Variants in TMC5 observed in about 807,000 individuals in gnomAD.
TMC5 encodes transmembrane channel like 5.
TMC5 carries 86 observed loss-of-function variants against 110.5 expected under a neutral mutation model. The ratio of observed to expected loss-of-function variants is 0.78; its 90% CI spans 0.65 to 0.93. The LOEUF (loss-of-function observed/expected upper bound fraction) is 0.93, where lower values mean the gene tolerates loss of function less well. TMC5 is among the 40% of genes least tolerant of loss of function. TMC5 has a pLI of 0.00. For synonymous variants in TMC5, 455 were observed against 439.5 expected, an observed-to-expected ratio of 1.04 and a Z score of -0.44; for missense variants, 1,144 against 1,222.8, an observed-to-expected ratio of 0.94 and a Z score of 0.96.
chr16:19,495,473 A>G (rs150320947), intron 20 of TMC5, among the ~76,000 whole-genome samples: 4 of 152,350 alleles, frequency 2.6e-5, no homozygotes, highest in African/African-American at 9.6e-5. Flanking sequence ...TAAATACTAT[A>G]TCTTGAACGA....
intron 4 of TMC5, among the ~76,000 whole-genome samples, chr16:19,445,261 GT>G (rs111537341): frequency 0.13 from 18,658 of 145,244 alleles, 2,824 homozygotes; most frequent in African/African-American, 0.37. Context: ...ATTCTAAACA[GT>G]TTTTTTTTTT....
intron 8 of TMC5, among the ~76,000 whole-genome samples, chr16:19,464,967 C>A (rs1458915903): frequency 1.9e-5 from 2 of 104,772 alleles, no homozygotes; most frequent in Non-Finnish European, 5.2e-5. Context: ...GTACTATAAG[C>A]CCTTCTTTCT....
chr16:19,433,504 C>A (rs1311079431), intron 2 of TMC5, among the ~76,000 whole-genome samples: 2 of 152,166 alleles, frequency 1.3e-5, no homozygotes, highest in African/African-American at 4.8e-5. Context: ...GTTAGAGCTT[C>A]TGAGTGCTTT....
At chr16:19,433,212 C>T (rs928744003) in intron 2 of TMC5, among the ~76,000 whole-genome samples, 1 of 152,178 alleles carries the variant, frequency 6.6e-6, no homozygotes, top group Non-Finnish European at 1.5e-5. Flanking sequence ...TGAAAAGCTA[C>T]TGTGGGTAGG....
chr16:19,458,746 A>G (rs889131408), intron 5 of TMC5, among the ~76,000 whole-genome samples: 1 of 152,086 alleles, frequency 6.6e-6, no homozygotes, highest in Non-Finnish European at 1.5e-5. Context: ...CTTCCTACCC[A>G]GGAAGAGGCA....
At position 19,498,637 on chromosome 16, in the gene TMC5, A is replaced by G. The variant is rs563930449; in HGVS notation, c.*671A>G. 1 of 152,148 alleles carries G rather than the reference A, an allele frequency of 6.6e-6. No homozygotes were observed. Among genetic ancestry groups the G allele is most frequent in the Non-Finnish European group, 1.5e-5 (1 of 68,046 alleles). The allele number at this position is 152,148 out of a possible 1,614,324, so 9.4% of individuals were successfully genotyped here. ...CTTTGCAGTGGCAGTACCGTAGCCA[A>G]TGAGATTTATCCGAGACGCGATTAT... is the stretch of plus-strand genomic sequence containing the variant. On this transcript the variant is annotated 3_prime_UTR_variant, in exon 22 of 22. Coordinates refer to ENST00000542583, the MANE Select transcript of TMC5 (RefSeq NM_001261841.2).
intron 17 of TMC5, among the ~76,000 whole-genome samples, chr16:19,488,164 G>C (rs1379373877): frequency 6.6e-6 from 1 of 152,110 alleles, no homozygotes; most frequent in Admixed American, 6.6e-5. Context: ...TTGTAAGCTA[G>C]CCCAGGGAAG....
Position 19,494,383 on chromosome 16 carries a change from C to A in TMC5, c.2931+17C>A, listed in dbSNP as rs1443279374. 3 of 1,596,628 alleles carry A rather than the reference C, an allele frequency of 1.9e-6. No homozygotes were observed. The highest frequency in any genetic ancestry group is 2.6e-6 in the Non-Finnish European group (3 of 1,167,054). ...GAGGTGGAGGTGAGTCTGGAGGCTG[C>A]CTTGGGGACCCCTGGGACACGAGCT... On this transcript the variant is annotated intron_variant, in intron 20 of 21. Transcript: ENST00000542583.
chr16:19,437,309 T>A (rs931475481), intron 2 of TMC5, among the ~76,000 whole-genome samples: 4 of 152,210 alleles, frequency 2.6e-5, no homozygotes, highest in African/African-American at 9.6e-5. Flanking sequence ...TCTGACAGAA[T>A]CACTGTCTCC....
At chr16:19,455,210 G>A (rs1967837530) in intron 5 of TMC5, among the ~76,000 whole-genome samples, 1 of 151,780 alleles carries the variant, frequency 6.6e-6, no homozygotes, top group Non-Finnish European at 1.5e-5. Flanking sequence ...CACTTTGGGA[G>A]GCTGAGGCAG....
intron 1 of TMC5, among the ~76,000 whole-genome samples, chr16:19,427,314 C>T (rs1188430643): frequency 6.6e-6 from 1 of 152,118 alleles, no homozygotes; most frequent in African/African-American, 2.4e-5. Flanking sequence ...TAGTTGGGCA[C>T]AGTAGCTCAC....
intron 1 of TMC5, among the ~76,000 whole-genome samples, chr16:19,423,837 C>T (rs1201195753): frequency 6.6e-6 from 1 of 152,118 alleles, no homozygotes; most frequent in African/African-American, 2.4e-5. Flanking sequence ...CTGCAATCTC[C>T]ACCTCCCAGG....
rs773265756 is a variant in TMC5, at chr16:19,474,256, A to T, written c.2070A>T (p.Glu690Asp). Residue 690 changes from glutamate to aspartate, a missense_variant, in exon 12 of 22, where the codon GAA becomes GAT. By Grantham distance (45) the Glu-to-Asp change is conservative. Coordinates refer to ENST00000542583, the MANE Select transcript of TMC5 (RefSeq NM_001261841.2). ...AGAGGTACGAGATGCCACGGCACGA[A>T]GTCTACGTTCTCCTGATCCGGTAGG... ...LVERYEMPRH[E>D]VYVLLIRNIF... 6.2e-7 allele frequency: 1 copy of T among 1,613,980 alleles called. No individual in the cohort carries two copies. Among genetic ancestry groups the T allele is most frequent in the East Asian group, 2.2e-5 (1 of 44,886 alleles).
At chr16:19,465,050 TCTTTCTTTTCCTTCCTTCCTTCCTTCC>T (rs1567314644) in intron 8 of TMC5, among the ~76,000 whole-genome samples, 13 of 103,464 alleles carry the variant, frequency 1.3e-4, no homozygotes, top group African/African-American at 6.7e-4. Flanking sequence ...TTTCTTTCTT[TCTTTCTTTTCCTTCCTTCCTTCCTTCC>T]TTCCTTCCTT....
intron 10 of TMC5, among the ~76,000 whole-genome samples, chr16:19,470,174 G>A (rs1329422134): frequency 1.5e-4 from 22 of 145,354 alleles, no homozygotes; most frequent in Non-Finnish European, 4.5e-5. Flanking sequence ...GATTACAGGC[G>A]TAAGCCACCG....
intron 5 of TMC5, chr16:19,456,704 G>A (rs914906765): frequency 1.9e-6 from 3 of 1,603,526 alleles, no homozygotes; most frequent in Non-Finnish European, 2.6e-6. Context: ...CAGGAGGCAG[G>A]AGATGCTGTC....
upstream of TMC5, among the ~76,000 whole-genome samples, chr16:19,413,480 C>A (rs753344570): frequency 7.8e-6 from 1 of 127,698 alleles, no homozygotes; most frequent in African/African-American, 2.9e-5. Context: ...GCTAAGATTG[C>A]GCCACTGCAT....
At chr16:19,451,499 C>G (rs1242801888) in intron 5 of TMC5, among the ~76,000 whole-genome samples, 8 of 152,164 alleles carry the variant, frequency 5.3e-5, no homozygotes, top group Non-Finnish European at 1.2e-4. Context: ...ACTGCTCTGT[C>G]TTGCCAGCAT....
intron 3 of TMC5, among the ~76,000 whole-genome samples, chr16:19,443,703 T>C (rs1260531275): frequency 6.6e-6 from 1 of 152,096 alleles, no homozygotes; most frequent in African/African-American, 2.4e-5. Context: ...AATGAATGGA[T>C]GGATACATGG....
Sources: allele counts gnomAD v4.1 joint callset (sites outside exome capture counted in the v4.1 genomes callset), GRCh38; gene constraint gnomAD v4.1.1; transcripts MANE v1.5; gene names NCBI Gene and HGNC (gene_info 2026-07-23, HGNC 2026-07-21).